ERBB4: variants seen among roughly 807,000 people sequenced by gnomAD.
The protein encoded by ERBB4 is erb-b2 receptor tyrosine kinase 4.
ERBB4 carries 42 observed loss-of-function variants against 158.0 expected under a neutral mutation model. The observed-to-expected ratio is 0.27, with a 90% confidence interval of 0.21 to 0.34. The LOEUF (loss-of-function observed/expected upper bound fraction) is 0.34, where lower values mean the gene tolerates loss of function less well. ERBB4 is among the 10% of genes least tolerant of loss of function. ERBB4 has a pLI of 1.00. For missense variants in ERBB4, 1,333 were observed against 1,624.1 expected, an observed-to-expected ratio of 0.82 and a Z score of 3.08; for synonymous variants, 583 against 558.7, an observed-to-expected ratio of 1.04 and a Z score of -0.61.
rs902719439 is a variant in ERBB4 at position 212,151,062 on chromosome 2, T to C, written c.83-26159A>G. Among the ~76,000 whole-genome samples the C allele has an allele frequency of 5.9e-5, 9 of 152,094 alleles. No homozygotes were observed. The East Asian group carries it at 9.6e-4, about 16-fold the overall frequency. The stretch of plus-strand genomic sequence containing the variant: ...TGTTAAATACAATCAATATTTCATA[T>C]ATTAAATATGAATGAAAATGGAATA... On this transcript the variant is annotated intron_variant, in intron 1 of 27. Coordinates refer to ENST00000342788, the MANE Select transcript of ERBB4 (RefSeq NM_005235.3).
intron 1 of ERBB4, among the ~76,000 whole-genome samples, chr2:212,157,709 A>C (rs2081083511): frequency 6.6e-6 from 1 of 152,162 alleles, no homozygotes; most frequent in South Asian, 2.1e-4. Context: ...AGTCTTATTC[A>C]GTAGAATAAA....
At chr2:212,079,503 T>G (rs2078371839) in intron 2 of ERBB4, among the ~76,000 whole-genome samples, 1 of 152,130 alleles carries the variant, frequency 6.6e-6, no homozygotes, top group South Asian at 2.1e-4. Flanking sequence ...ACTCCTTATT[T>G]TATTTCTTGA....
At chr2:212,485,855 C>T (rs1689945805) in intron 1 of ERBB4, among the ~76,000 whole-genome samples, 1 of 152,086 alleles carries the variant, frequency 6.6e-6, no homozygotes, top group Non-Finnish European at 1.5e-5. Flanking sequence ...AGGTACCTCT[C>T]TGGGGCCTCT....
chr2:212,521,583 C>T (rs1692170143), intron 1 of ERBB4, among the ~76,000 whole-genome samples: 1 of 151,854 alleles, frequency 6.6e-6, no homozygotes, highest in South Asian at 2.1e-4. Context: ...TCTCCTACTA[C>T]TACTATAGCA....
At chr2:212,138,568 T>TA (rs1271128010) in intron 1 of ERBB4, among the ~76,000 whole-genome samples, 1 of 152,288 alleles carries the variant, frequency 6.6e-6, no homozygotes, top group African/African-American at 2.4e-5. Flanking sequence ...TTGAACTTTC[T>TA]AGCCTCCAGA....
Position 211,380,263 on chromosome 2 carries a change from G to A in ERBB4, c.*3352C>T, listed in dbSNP as rs1291786409. On this transcript the variant is annotated 3_prime_UTR_variant, in exon 28 of 28. Coordinates refer to ENST00000342788, the MANE Select transcript of ERBB4 (RefSeq NM_005235.3). Reference sequence around the variant, plus strand: ...GTAGTCTAACACCTTTTGTGGTGCAGATGCTTTGTGGTTCTGGATCTATCC... The same window carrying A: ...GTAGTCTAACACCTTTTGTGGTGCAAATGCTTTGTGGTTCTGGATCTATCC... The A allele has an allele frequency of 4.3e-6, 1 of 232,274 alleles. No individual in the cohort carries two copies. Among genetic ancestry groups the A allele is most frequent in the Non-Finnish European group, 8.5e-6 (1 of 117,564 alleles). 14.4% of individuals were successfully genotyped at this position (232,274 alleles called of 1,614,324 possible).
At chr2:212,068,994 G>A (rs976252117) in intron 2 of ERBB4, among the ~76,000 whole-genome samples, 1 of 152,042 alleles carries the variant, frequency 6.6e-6, no homozygotes, top group South Asian at 2.1e-4. Flanking sequence ...TCTCTTGCCT[G>A]CCACCATGTA....
At chr2:211,515,495 A>G (rs985885060) in intron 20 of ERBB4, among the ~76,000 whole-genome samples, 7 of 152,060 alleles carry the variant, frequency 4.6e-5, no homozygotes, top group Admixed American at 2.0e-4. Context: ...ATGTCAGTTG[A>G]GTAGACTGCA....
chr2:212,373,917 A>ATATATATATATCCATGTATATATC lies in ERBB4; in HGVS notation c.82+164531_82+164532insGATATATACATGGATATATATATA, dbSNP rs2090200153. On this transcript the variant is annotated intron_variant, in intron 1 of 27. Coordinates refer to ENST00000342788, the MANE Select transcript of ERBB4 (RefSeq NM_005235.3). ...TATATATATATCCATGTATATATCC[A>ATATATATATATCCATGTATATATC]TATATATATATCCATATATATCCAT... Among the ~76,000 whole-genome samples, 40 of 55,050 alleles carry ATATATATATATCCATGTATATATC rather than the reference A, an allele frequency of 7.3e-4. 4 individuals carry two copies. The highest frequency in any genetic ancestry group is 4.6e-3 in the African/African-American group (37 of 8,108). The allele number at this position is 55,050 out of a possible 152,430, so 36.1% of individuals were successfully genotyped here.
intron 2 of ERBB4, among the ~76,000 whole-genome samples, chr2:211,990,990 T>C (rs777322795): frequency 3.6e-4 from 55 of 152,086 alleles, no homozygotes; most frequent in Non-Finnish European, 1.6e-4. Context: ...GCATACATAA[T>C]TTTTAAATAG....
At chr2:212,271,493 T>C (rs2106119385) in intron 1 of ERBB4, among the ~76,000 whole-genome samples, 1 of 151,960 alleles carries the variant, frequency 6.6e-6, no homozygotes, top group Middle Eastern at 3.4e-3. Context: ...TTAATAAATT[T>C]AAAGATTTAT....
chr2:212,326,820 T>G lies in ERBB4; in HGVS notation c.83-201917A>C, dbSNP rs1018328200. ...AGATCCAAAAGAAAAATGCATGTGT[T>G]TGCTGTGTGTGCATGTGCACATGTA... On this transcript the variant is annotated intron_variant, in intron 1 of 27. Transcript: ENST00000342788. 2.0e-5 allele frequency among the ~76,000 whole-genome samples: 3 copies of G among 150,782 alleles called. 1 individual carries two copies. Among genetic ancestry groups the G allele is most frequent in the African/African-American group, 7.3e-5 (3 of 41,292 alleles).
chr2:211,773,298 T>C (rs1350494239), intron 4 of ERBB4, among the ~76,000 whole-genome samples: 2 of 151,690 alleles, frequency 1.3e-5, no homozygotes, highest in East Asian at 3.9e-4. Context: ...AACTAATTAA[T>C]AATTATAAAC....
At position 211,678,868 on chromosome 2, in the gene ERBB4, A is replaced by G. The variant is rs570659183; in HGVS notation, c.1622+184T>C. Among the ~76,000 whole-genome samples, 22 of 148,866 alleles carry G rather than the reference A, an allele frequency of 1.5e-4. No homozygotes were observed. The East Asian group carries it at 4.2e-3, about 28-fold the overall frequency. ...TGTAATCCCAGCTACTTGGGAGGCC[A>G]AGGCAGGAGAATGGCGTGAACCCAG... On this transcript the variant is annotated intron_variant, in intron 13 of 27. Coordinates refer to ENST00000342788, the MANE Select transcript of ERBB4 (RefSeq NM_005235.3).
At chr2:211,822,835 G>A (rs1044283298) in intron 3 of ERBB4, among the ~76,000 whole-genome samples, 3 of 152,054 alleles carry the variant, frequency 2.0e-5, no homozygotes, top group African/African-American at 7.2e-5. Context: ...TGTAGCAAAA[G>A]CACACTTTCC....
At chr2:212,482,682 T>C (rs1689763548) in intron 1 of ERBB4, among the ~76,000 whole-genome samples, 1 of 152,210 alleles carries the variant, frequency 6.6e-6, no homozygotes, top group Non-Finnish European at 1.5e-5. Flanking sequence ...AGTGGTGCTA[T>C]CTCAGCTCAC....
chr2:212,383,599 T>G (rs1262358912), intron 1 of ERBB4, among the ~76,000 whole-genome samples: 2 of 151,610 alleles, frequency 1.3e-5, no homozygotes, highest in Admixed American at 1.3e-4. Context: ...AAGCTAAAAT[T>G]CACCTCAAGA....
intron 19 of ERBB4, among the ~76,000 whole-genome samples, chr2:211,589,538 T>C (rs538798052): frequency 6.6e-6 from 1 of 152,206 alleles, no homozygotes. Flanking sequence ...TCTTCTTCAT[T>C]TTCCGTAACA....
At chr2:212,074,809 T>C (rs1028289979) in intron 2 of ERBB4, among the ~76,000 whole-genome samples, 2 of 151,984 alleles carry the variant, frequency 1.3e-5, no homozygotes, top group African/African-American at 2.4e-5. Flanking sequence ...TAGTAGGTCA[T>C]TGTAAAACGC....
Sources: allele counts gnomAD v4.1 joint callset (sites outside exome capture counted in the v4.1 genomes callset), GRCh38; gene constraint gnomAD v4.1.1; transcripts MANE v1.5; gene names NCBI Gene and HGNC (gene_info 2026-07-23, HGNC 2026-07-21).